The following ATP8A2 variants were observed in gnomAD, a reference collection of about 807,000 sequenced individuals.
ATP8A2 encodes phospholipid-transporting ATPase IB.
Under a neutral mutation model 165.6 loss-of-function variants are expected in ATP8A2, and 100 were observed. That is an observed-to-expected ratio of 0.60 (90% CI 0.51 to 0.71). The LOEUF is 0.71. Ranked by LOEUF, ATP8A2 falls within the 30% of genes least tolerant of loss-of-function variation. The pLI, the probability that ATP8A2 is intolerant of heterozygous loss-of-function variation, is 0.00. For missense variants in ATP8A2, 1,227 were observed against 1,479.5 expected (o/e 0.83, Z 2.80); for synonymous variants, 543 against 548.8 (o/e 0.99, Z 0.15).
intron 24 of ATP8A2, among the ~76,000 whole-genome samples, chr13:25,644,282 G>C (rs1260068796): frequency 6.6e-6 from 1 of 151,912 alleles, no homozygotes; most frequent in African/African-American, 2.4e-5. Context: ...TAGACATGTT[G>C]GATTTTTGTC....
intron 24 of ATP8A2, among the ~76,000 whole-genome samples, chr13:25,651,366 T>A (rs1593138040): frequency 1.3e-5 from 2 of 151,612 alleles, no homozygotes; most frequent in South Asian, 4.2e-4. Context: ...TCACTTGAAC[T>A]CGGGAGGCAG....
At chr13:25,818,464 T>G (rs1369380243) in intron 27 of ATP8A2, among the ~76,000 whole-genome samples, 3 of 152,244 alleles carry the variant, frequency 2.0e-5, no homozygotes, top group Non-Finnish European at 4.4e-5. Context: ...TGCTAGTCGC[T>G]GCAGTCTACT....
intron 25 of ATP8A2, among the ~76,000 whole-genome samples, chr13:25,752,695 G>A (rs751243722): frequency 1.3e-5 from 2 of 152,162 alleles, no homozygotes; most frequent in Non-Finnish European, 2.9e-5. Flanking sequence ...ATAGCTCAAT[G>A]CAGCCTCTAA....
At chr13:26,005,238 G>A (rs1455550531) in intron 35 of ATP8A2, among the ~76,000 whole-genome samples, 1 of 151,970 alleles carries the variant, frequency 6.6e-6, no homozygotes, top group African/African-American at 2.4e-5. Context: ...GTTGCCATAT[G>A]ATTGTTTGTA....
chr13:25,736,184 G>A (rs141479775), intron 25 of ATP8A2, among the ~76,000 whole-genome samples: 6 of 152,254 alleles, frequency 3.9e-5, no homozygotes, highest in African/African-American at 9.6e-5. Context: ...ATTCTATGAC[G>A]TTTGCACAAT....
chr13:25,668,165 T>A (rs1482290399), intron 24 of ATP8A2, among the ~76,000 whole-genome samples: 2 of 152,196 alleles, frequency 1.3e-5, no homozygotes, highest in Non-Finnish European at 2.9e-5. Flanking sequence ...TGAGTTCCTA[T>A]GAAATGTCCT....
At chr13:25,919,863 C>G (rs1954395129) in intron 33 of ATP8A2, among the ~76,000 whole-genome samples, 1 of 152,142 alleles carries the variant, frequency 6.6e-6, no homozygotes, top group African/African-American at 2.4e-5. Flanking sequence ...TCATAGCTCC[C>G]ATAACCTTGA....
chr13:25,441,541 A>G (rs1434602858), intron 1 of ATP8A2, among the ~76,000 whole-genome samples: 2 of 152,162 alleles, frequency 1.3e-5, no homozygotes, highest in Admixed American at 1.3e-4. Context: ...CAATTCATTC[A>G]TTTATCAACC....
intron 24 of ATP8A2, among the ~76,000 whole-genome samples, chr13:25,603,497 A>G (rs1490052054): frequency 1.3e-5 from 2 of 151,796 alleles, no homozygotes; most frequent in Non-Finnish European, 2.9e-5. Context: ...AAATTTTAAA[A>G]AGAGTATCTG....
At chr13:25,896,652 T>C (rs1193670834) in intron 33 of ATP8A2, among the ~76,000 whole-genome samples, 1 of 152,174 alleles carries the variant, frequency 6.6e-6, no homozygotes, top group East Asian at 1.9e-4. Flanking sequence ...CTCCCATTAT[T>C]ATTGTGTGGG....
rs534572954 is a variant in ATP8A2, at chr13:25,505,744, A to G, written c.222-24255A>G. Among the ~76,000 whole-genome samples, 9 of 152,358 alleles carry G rather than the reference A, an allele frequency of 5.9e-5. No homozygotes were observed. In the South Asian group the frequency reaches 1.9e-3, roughly 32 times the overall value. ...CTGGCTAGCATGTTGATGGCTCTACATAACTTATTATTATTATATACAATA... is the reference window on the plus strand; with the variant it reads ...CTGGCTAGCATGTTGATGGCTCTACGTAACTTATTATTATTATATACAATA... On this transcript the variant is annotated intron_variant, in intron 2 of 36. Coordinates refer to ENST00000381655, the MANE Select transcript of ATP8A2 (RefSeq NM_016529.6).
intron 33 of ATP8A2, among the ~76,000 whole-genome samples, chr13:25,881,917 C>T (rs575058314): frequency 1.3e-5 from 2 of 152,136 alleles, no homozygotes; most frequent in South Asian, 4.1e-4. Flanking sequence ...GGGTGATACG[C>T]CATGCCACCA....
At chr13:25,512,724 G>A (rs112296573) in intron 2 of ATP8A2, among the ~76,000 whole-genome samples, 15 of 143,786 alleles carry the variant, frequency 1.0e-4, no homozygotes, top group East Asian at 2.2e-4. Flanking sequence ...GCAGCTGGCC[G>A]GGCGGGGGGC....
At chr13:25,412,207 A>G (rs896616762) in intron 1 of ATP8A2, among the ~76,000 whole-genome samples, 2 of 152,128 alleles carry the variant, frequency 1.3e-5, no homozygotes, top group South Asian at 4.2e-4. Flanking sequence ...GAACAACTCT[A>G]TATAGGGATG....
At chr13:25,839,292 G>T (rs998263058) in intron 29 of ATP8A2, among the ~76,000 whole-genome samples, 1 of 152,096 alleles carries the variant, frequency 6.6e-6, no homozygotes, top group African/African-American at 2.4e-5. Flanking sequence ...GTGTTGGTCT[G>T]CATACATGTG....
At chr13:26,014,119 C>T (rs557310707) in intron 36 of ATP8A2, among the ~76,000 whole-genome samples, 148 of 152,284 alleles carry the variant, frequency 9.7e-4, no homozygotes, top group Non-Finnish European at 1.6e-3. Flanking sequence ...TAGGGCAGCC[C>T]TCTGGAGATG....
intron 33 of ATP8A2, chr13:25,880,861 A>T (rs1271756088): frequency 6.6e-6 from 3 of 452,000 alleles, no homozygotes; most frequent in Middle Eastern, 3.3e-4. Flanking sequence ...TCATTTTACC[A>T]GTTTCTTGAT....
At chr13:25,843,635 G>A in intron 30 of ATP8A2, among the ~76,000 whole-genome samples, 1 of 152,212 alleles carries the variant, frequency 6.6e-6, no homozygotes, top group Non-Finnish European at 1.5e-5. Context: ...GACTTCGCAG[G>A]CTCCAGAACT....
chr13:25,800,845 G>A (rs1950608172), intron 27 of ATP8A2, among the ~76,000 whole-genome samples: 1 of 152,060 alleles, frequency 6.6e-6, no homozygotes, highest in Non-Finnish European at 1.5e-5. Flanking sequence ...GATGGTTTTG[G>A]CAGCCAAAAA....
Sources: allele counts gnomAD v4.1 joint callset (sites outside exome capture counted in the v4.1 genomes callset), GRCh38; gene constraint gnomAD v4.1.1; transcripts MANE v1.5; gene names NCBI Gene and HGNC (gene_info 2026-07-23, HGNC 2026-07-21).